DACH2: variants seen among roughly 807,000 people sequenced by gnomAD.
The protein encoded by DACH2 is dachshund homolog 2.
A neutral mutation model predicts 35.8 loss-of-function variants in DACH2; 17 were observed. That is an observed-to-expected ratio of 0.48 (90% confidence interval 0.33 to 0.71). The LOEUF is 0.71. Among genes scored for constraint, DACH2 ranks in the 30% least tolerant of loss-of-function variants. DACH2 has a pLI of 0.02. For synonymous variants in DACH2, 195 were observed against 177.3 expected (o/e 1.10, Z -0.79); for missense variants, 469 against 472.7 (o/e 0.99, Z 0.07).
At chrX:86,626,004 C>T (rs2040133301) in intron 3 of DACH2, among the ~76,000 whole-genome samples, 1 of 111,485 alleles carries the variant, frequency 9.0e-6, no homozygotes, top group South Asian at 3.8e-4. Context: ...CCCAACAGTC[C>T]CCCAAAGTCT....
rs752590728 is a variant in DACH2 at position 86,717,227 on chromosome X, C to T, written c.1104+2507C>T. 1.9e-3 allele frequency among the ~76,000 whole-genome samples: 210 copies of T among 111,269 alleles called. 1 individual carries two copies. The highest frequency in any genetic ancestry group is 0.014 in the Middle Eastern group (3 of 214). On this transcript the variant is annotated intron_variant, in intron 6 of 11. Coordinates refer to ENST00000373125, the MANE Select transcript of DACH2 (RefSeq NM_053281.3). ...ACCCAGTGAGTAATCTCTCATCATGCACCCTATTCCATCCCCTCACCTTTC... is the reference window on the plus strand; with the variant it reads ...ACCCAGTGAGTAATCTCTCATCATGTACCCTATTCCATCCCCTCACCTTTC...
chrX:86,320,321 A>C (rs937251134), intron 1 of DACH2, among the ~76,000 whole-genome samples: 3 of 112,498 alleles, frequency 2.7e-5, no homozygotes, highest in Non-Finnish European at 5.6e-5. Context: ...GCGCTCTTTA[A>C]GAAAATCCTT....
intron 4 of DACH2, among the ~76,000 whole-genome samples, chrX:86,687,592 C>T (rs1023092873): frequency 8.1e-5 from 9 of 111,262 alleles, no homozygotes; most frequent in Non-Finnish European, 1.9e-5. Flanking sequence ...CACATGCAAA[C>T]GTATGTTTAT....
intron 1 of DACH2, among the ~76,000 whole-genome samples, chrX:86,214,528 G>A (rs184670384): frequency 1.4e-3 from 158 of 111,905 alleles, no homozygotes; most frequent in African/African-American, 4.4e-3. Flanking sequence ...TCTACAGTGC[G>A]TGCAGATGAC....
chrX:86,562,428 G>A lies in DACH2; in HGVS notation c.640+48037G>A, dbSNP rs12007065. ...CTTATGAATGGTATATGCTTGCAAA[G>A]AAGGATTAGGAAAGTTTGGAGGAGT... On this transcript the variant is annotated intron_variant, in intron 3 of 11. Transcript: ENST00000373125. 7.6e-3 allele frequency among the ~76,000 whole-genome samples: 845 copies of A among 111,037 alleles called. 11 individuals are homozygous for A. The highest frequency in any genetic ancestry group is 0.026 in the African/African-American group (811 of 30,635).
At chrX:86,822,353 G>A (rs955266364) in intron 11 of DACH2, among the ~76,000 whole-genome samples, 2 of 111,880 alleles carry the variant, frequency 1.8e-5, no homozygotes, top group Non-Finnish European at 3.8e-5. Context: ...TTGGAATAGT[G>A]AAAAAAGAAA....
At chrX:86,656,571 A>T (rs1363266606) in intron 4 of DACH2, among the ~76,000 whole-genome samples, 1 of 109,715 alleles carries the variant, frequency 9.1e-6, no homozygotes, top group Non-Finnish European at 1.9e-5. Flanking sequence ...AAACCTAGAG[A>T]TAGAGATGCA....
At chrX:86,232,325 A>G (rs2032966549) in intron 1 of DACH2, among the ~76,000 whole-genome samples, 4 of 112,331 alleles carry the variant, frequency 3.6e-5, no homozygotes, top group Non-Finnish European at 7.5e-5. Flanking sequence ...ACCAAAAGCA[A>G]TTGCAACAAA....
chrX:86,715,616 T>C (rs1177948805), intron 6 of DACH2, among the ~76,000 whole-genome samples: 1 of 111,781 alleles, frequency 8.9e-6, no homozygotes, highest in Non-Finnish European at 1.9e-5. Flanking sequence ...TGCCAGGTTA[T>C]TGAGCAATAT....
At chrX:86,812,056 A>G (rs1228079908) in intron 7 of DACH2, among the ~76,000 whole-genome samples, 1 of 112,012 alleles carries the variant, frequency 8.9e-6, no homozygotes, top group Non-Finnish European at 1.9e-5. Flanking sequence ...AACAATCCAA[A>G]TAGTCATCAA....
chrX:86,662,016 G>A, intron 4 of DACH2, among the ~76,000 whole-genome samples: 1 of 111,934 alleles, frequency 8.9e-6, no homozygotes, highest in South Asian at 3.7e-4. Context: ...AGTGAAATAT[G>A]ATTGTTTGGT....
intron 1 of DACH2, among the ~76,000 whole-genome samples, chrX:86,181,450 C>G (rs766527134): frequency 2.7e-5 from 3 of 111,040 alleles, no homozygotes; most frequent in Non-Finnish European, 1.9e-5. Context: ...GTTTTCTGTT[C>G]CTGTGTTAGT....
rs1300590083 is a variant in DACH2 at position 86,561,918 on chromosome X, AAAG to A, written c.640+47529_640+47531del. ...AGTAGAATTAAAAAAAAAAAAAAAA[AAAG>A]AGAATTCAGCAAGGATTCAGGATGC... On this transcript the variant is annotated intron_variant, in intron 3 of 11. Coordinates refer to ENST00000373125, the MANE Select transcript of DACH2 (RefSeq NM_053281.3). Among the ~76,000 whole-genome samples the A allele has an allele frequency of 3.3e-3, 335 of 100,621 alleles. 2 individuals carry two copies. The highest frequency in any genetic ancestry group is 0.012 in the African/African-American group (321 of 26,716). 87.4% of individuals were successfully genotyped at this position (100,621 alleles called of 115,157 possible).
intron 1 of DACH2, among the ~76,000 whole-genome samples, chrX:86,324,455 G>A (rs1421257810): frequency 9.0e-6 from 1 of 110,855 alleles, no homozygotes; most frequent in Admixed American, 9.6e-5. Flanking sequence ...GAGTTTGAGA[G>A]GATTGACTCC....
chrX:86,148,643 T>C lies in DACH2; in HGVS notation c.23T>C (p.Val8Ala), dbSNP rs372249697. 2.0e-5 allele frequency: 23 copies of C among 1,177,205 alleles called. No individual in the cohort carries two copies. In the South Asian group the frequency reaches 2.8e-4, roughly 15 times the overall value. Residue 8 changes from valine (V) to alanine (A), a missense_variant, in exon 1 of 12, where the codon GTG becomes GCG. This residue lies in a region of DACH2 where 99 missense variants were observed against 114.3 expected (regional missense o/e 0.87). Coordinates refer to ENST00000373125, the MANE Select transcript of DACH2 (RefSeq NM_053281.3). Reference sequence around the variant, plus strand: ...ACCATGGCTGTCTCCGCATCTCCAGTGATCTCTGCAACTTCCAGCGGCGCC... The same window carrying C: ...ACCATGGCTGTCTCCGCATCTCCAGCGATCTCTGCAACTTCCAGCGGCGCC... MAVSASP[V>A]ISATSSGAGV...
intron 2 of DACH2, among the ~76,000 whole-genome samples, chrX:86,379,357 T>C (rs2036013411): frequency 9.0e-6 from 1 of 111,019 alleles, no homozygotes; most frequent in African/African-American, 3.3e-5. Context: ...CTTTGCTTGT[T>C]TGTCTGTCCT....
chrX:86,778,848 A>T lies in DACH2; in HGVS notation c.1241-34008A>T, dbSNP rs1196990569. On this transcript the variant is annotated intron_variant, in intron 7 of 11. Coordinates refer to ENST00000373125, the MANE Select transcript of DACH2 (RefSeq NM_053281.3). The stretch of plus-strand genomic sequence containing the variant: ...CTGGTCTTGAACTCCTGAACTGGTG[A>T]TCTACCCGCCTTGGCCTCCCAAAGT... Among the ~76,000 whole-genome samples, 5 of 111,549 alleles carry T rather than the reference A, an allele frequency of 4.5e-5. No individual in the cohort carries two copies. In the Admixed American group the frequency reaches 4.7e-4, roughly 11 times the overall value.
At chrX:86,643,617 C>T (rs929933198) in intron 3 of DACH2, among the ~76,000 whole-genome samples, 3 of 111,065 alleles carry the variant, frequency 2.7e-5, no homozygotes, top group Admixed American at 9.6e-5. Context: ...TCTAAGAGAC[C>T]GTCATCATCC....
At chrX:86,772,580 A>G (rs2041997167) in intron 7 of DACH2, among the ~76,000 whole-genome samples, 1 of 111,637 alleles carries the variant, frequency 9.0e-6, no homozygotes, top group African/African-American at 3.2e-5. Context: ...GTATTTATCC[A>G]GCTTGCAAGT....
Sources: gnomAD v4.1 joint callset for allele counts (sites outside exome capture counted in the v4.1 genomes callset) on GRCh38, gnomAD v4.1.1 for gene constraint, gnomAD v4.1.1 regional missense constraint, MANE v1.5 for transcripts, NCBI Gene and HGNC (gene_info 2026-07-23, HGNC 2026-07-21) for gene names.